Variants in TSHZ2 observed in about 807,000 individuals in gnomAD.
TSHZ2 encodes teashirt homolog 2.
Under a neutral mutation model 74.4 loss-of-function variants are expected in TSHZ2, and 21 were observed. That is an observed-to-expected ratio of 0.28 (90% CI 0.20 to 0.41). TSHZ2 has a LOEUF of 0.41. Among genes scored for constraint, TSHZ2 ranks in the 10% least tolerant of loss-of-function variants. TSHZ2 has a pLI of 1.00. For missense variants in TSHZ2, 1,244 were observed against 1,293.5 expected, an observed-to-expected ratio of 0.96 and a Z score of 0.59; for synonymous variants, 540 against 515.3, an observed-to-expected ratio of 1.05 and a Z score of -0.65.
intron 2 of TSHZ2, chr20:53,461,659 A>AAAAG (rs1202487114): frequency 6.6e-6 from 1 of 152,212 alleles, no homozygotes; most frequent in African/African-American, 2.4e-5. Context: ...AGAAGTTCCA[A>AAAAG]AAAGACTCTC....
intron 1 of TSHZ2, among the ~76,000 whole-genome samples, chr20:53,251,253 C>T (rs1029952616): frequency 1.3e-5 from 2 of 152,134 alleles, no homozygotes; most frequent in Non-Finnish European, 2.9e-5. Context: ...GTAATAGCAC[C>T]CCTTCATTCT....
At chr20:53,058,289 G>A (rs1341405584) in intron 1 of TSHZ2, among the ~76,000 whole-genome samples, 1 of 152,164 alleles carries the variant, frequency 6.6e-6, no homozygotes, top group African/African-American at 2.4e-5. Flanking sequence ...GTCTTTGATG[G>A]CCTCAAACAA....
At chr20:53,437,426 T>C (rs962223657) in intron 2 of TSHZ2, among the ~76,000 whole-genome samples, 3 of 151,934 alleles carry the variant, frequency 2.0e-5, no homozygotes, top group Non-Finnish European at 4.4e-5. Context: ...TGAGCCAAGA[T>C]TGCACCACTG....
At chr20:52,991,007 T>C (rs1981964149) in intron 1 of TSHZ2, among the ~76,000 whole-genome samples, 1 of 152,320 alleles carries the variant, frequency 6.6e-6, no homozygotes, top group East Asian at 1.9e-4. Flanking sequence ...TGTGCGTGAG[T>C]TGTGAATACA....
chr20:53,239,239 A>G (rs1262804912), intron 1 of TSHZ2, among the ~76,000 whole-genome samples: 1 of 152,082 alleles, frequency 6.6e-6, no homozygotes, highest in African/African-American at 2.4e-5. Flanking sequence ...ACCCCAGATG[A>G]GTCATTAAGG....
chr20:53,356,485 A>C (rs977853599), intron 2 of TSHZ2, among the ~76,000 whole-genome samples: 4 of 152,226 alleles, frequency 2.6e-5, no homozygotes, highest in African/African-American at 7.2e-5. Flanking sequence ...ATGCTTAAAA[A>C]GTTTTTAATA....
chr20:53,106,420 T>TTTTTTG (rs1986371042), intron 1 of TSHZ2, among the ~76,000 whole-genome samples: 1 of 103,102 alleles, frequency 9.7e-6, no homozygotes, highest in Non-Finnish European at 1.9e-5. Flanking sequence ...TTTTTTTTTT[T>TTTTTTG]TTGAGACGGA....
intron 1 of TSHZ2, among the ~76,000 whole-genome samples, chr20:53,001,218 G>GTGTGTGTATGTGTGTGTGTGTGTGTGTA (rs1982409933): frequency 1.4e-5 from 2 of 145,156 alleles, no homozygotes; most frequent in African/African-American, 5.2e-5. Flanking sequence ...GTGTGTGTGT[G>GTGTGTGTATGTGTGTGTGTGTGTGTGTA]TGTGTGTGTG....
chr20:53,116,508 C>T (rs1032944251), intron 1 of TSHZ2, among the ~76,000 whole-genome samples: 7 of 152,166 alleles, frequency 4.6e-5, no homozygotes, highest in South Asian at 4.2e-4. Context: ...CTCCACCCCA[C>T]GGCTGGTACA....
At chr20:53,048,484 C>G (rs1282162136) in intron 1 of TSHZ2, among the ~76,000 whole-genome samples, 2 of 152,202 alleles carry the variant, frequency 1.3e-5, no homozygotes, top group African/African-American at 2.4e-5. Flanking sequence ...TTAGCATCCA[C>G]GTTCCGTGCA....
chr20:53,228,520 TTC>T (rs984864663), intron 1 of TSHZ2, among the ~76,000 whole-genome samples: 1 of 152,206 alleles, frequency 6.6e-6, no homozygotes, highest in Non-Finnish European at 1.5e-5. Flanking sequence ...GGTCCGGTAA[TTC>T]TCTGTTTTGG....
At chr20:53,250,099 C>T (rs1448276042) in intron 1 of TSHZ2, among the ~76,000 whole-genome samples, 1 of 152,154 alleles carries the variant, frequency 6.6e-6, no homozygotes, top group Non-Finnish European at 1.5e-5. Flanking sequence ...TGGCCAGAGT[C>T]AAGCTGGGGA....
chr20:53,143,194 C>T (rs1242020932), intron 1 of TSHZ2, among the ~76,000 whole-genome samples: 3 of 152,200 alleles, frequency 2.0e-5, no homozygotes. Context: ...CATTTACTCA[C>T]AGACCCCGAC....
intron 1 of TSHZ2, among the ~76,000 whole-genome samples, chr20:52,986,862 A>AATGGTTTT (rs752769184): frequency 3.1e-4 from 47 of 152,314 alleles, no homozygotes; most frequent in Non-Finnish European, 5.7e-4. Context: ...AAAAAGAAGG[A>AATGGTTTT]ATGGTTTTAA....
intron 2 of TSHZ2, among the ~76,000 whole-genome samples, chr20:53,263,018 G>A (rs948904446): frequency 6.6e-6 from 1 of 152,160 alleles, no homozygotes. Flanking sequence ...GTTTGGTTTG[G>A]TTTGTTTCCT....
intron 1 of TSHZ2, among the ~76,000 whole-genome samples, chr20:53,137,626 C>T (rs1216240826): frequency 2.0e-5 from 3 of 152,194 alleles, no homozygotes; most frequent in Non-Finnish European, 4.4e-5. Flanking sequence ...TAACTCTCTT[C>T]ACCCCCACGG....
chr20:53,063,917 G>T (rs16997454), intron 1 of TSHZ2, among the ~76,000 whole-genome samples: 7,716 of 152,198 alleles, frequency 0.051, 361 homozygotes, highest in East Asian at 0.21. Context: ...ATCTGAACTC[G>T]GTGGGAAATT....
intron 2 of TSHZ2, chr20:53,400,550 C>T (rs1001706668): frequency 6.6e-6 from 1 of 152,184 alleles, no homozygotes; most frequent in African/African-American, 2.4e-5. Context: ...GCCCATAAGG[C>T]GAAGTTACTC....
chr20:53,007,044 C>A (rs973333402), intron 1 of TSHZ2, among the ~76,000 whole-genome samples: 1 of 152,126 alleles, frequency 6.6e-6, no homozygotes, highest in African/African-American at 2.4e-5. Context: ...CTCAATAATT[C>A]TTTAATTGCC....
Sources: gnomAD v4.1 joint callset for allele counts (sites outside exome capture counted in the v4.1 genomes callset) on GRCh38, gnomAD v4.1.1 for gene constraint, MANE v1.5 for transcripts, NCBI Gene and HGNC (gene_info 2026-07-23, HGNC 2026-07-21) for gene names.